PPFIA2: variants seen among roughly 807,000 people sequenced by gnomAD.
PPFIA2 encodes the protein PPFI scaffold protein A2.
Under a neutral mutation model 175.5 loss-of-function variants are expected in PPFIA2, and 46 were observed. That is an observed-to-expected ratio of 0.26 (90% CI 0.21 to 0.34). The LOEUF (loss-of-function observed/expected upper bound fraction) is 0.34. Ranked by LOEUF, PPFIA2 falls within the 10% of genes least tolerant of loss-of-function variation. The pLI is 1.00. For synonymous variants in PPFIA2, 568 were observed against 511.4 expected, an observed-to-expected ratio of 1.11 and a Z score of -1.49; for missense variants, 1,179 against 1,506.1, an observed-to-expected ratio of 0.78 and a Z score of 3.60.
chr12:81,532,388 A>C (rs1444682839), intron 4 of PPFIA2, among the ~76,000 whole-genome samples: 1 of 151,788 alleles, frequency 6.6e-6, no homozygotes, highest in Non-Finnish European at 1.5e-5. Context: ...AGAGCAGCTC[A>C]GCTCCCAAAA....
At chr12:81,335,746 AC>A (rs1212437653) in intron 21 of PPFIA2, among the ~76,000 whole-genome samples, 2 of 94,072 alleles carry the variant, frequency 2.1e-5, no homozygotes, top group African/African-American at 1.6e-4. Flanking sequence ...CTGTCTAAAA[AC>A]AACAACAACA....
intron 3 of PPFIA2, among the ~76,000 whole-genome samples, chr12:81,705,611 C>T (rs1011629395): frequency 2.6e-5 from 4 of 152,024 alleles, no homozygotes; most frequent in Admixed American, 2.0e-4. Flanking sequence ...AAGATACAAG[C>T]ACAATATCTC....
chr12:81,277,450 G>A (rs2040816065), intron 27 of PPFIA2, 36 bp from the exon 28 acceptor site: 6 of 1,461,692 alleles, frequency 4.1e-6, no homozygotes, highest in Non-Finnish European at 5.4e-6. Flanking sequence ...AACACAGTGA[G>A]TCTACCTTAG....
At chr12:81,428,408 G>A (rs983606299) in intron 7 of PPFIA2, among the ~76,000 whole-genome samples, 2 of 151,904 alleles carry the variant, frequency 1.3e-5, no homozygotes, top group African/African-American at 4.8e-5. Context: ...GTAGCAAACA[G>A]CAATTTTGTT....
At chr12:81,520,074 C>G (rs1437056517) in intron 4 of PPFIA2, among the ~76,000 whole-genome samples, 3 of 152,134 alleles carry the variant, frequency 2.0e-5, no homozygotes, top group Non-Finnish European at 2.9e-5. Context: ...GATATAATGT[C>G]TATGTGATAA....
Position 81,415,746 on chromosome 12 carries a change from CT to C in PPFIA2, c.646-9844del, listed in dbSNP as rs1259099805. On this transcript the variant is annotated intron_variant, in intron 7 of 32. Coordinates refer to ENST00000549396, the MANE Select transcript of PPFIA2 (RefSeq NM_003625.5). ...ATATATTCTCAGGTAGAAAGTTTTGCTTTTTTGCAGGAGATGTTTACACTAT... is the reference window on the plus strand; with the variant it reads ...ATATATTCTCAGGTAGAAAGTTTTGCTTTTTGCAGGAGATGTTTACACTAT... 3.3e-5 allele frequency among the ~76,000 whole-genome samples: 5 copies of C among 149,366 alleles called. No individual in the cohort carries two copies. The Admixed American group carries it at 3.4e-4, about 10-fold the overall frequency.
intron 4 of PPFIA2, among the ~76,000 whole-genome samples, chr12:81,564,387 G>A (rs575874439): frequency 6.6e-6 from 1 of 152,272 alleles, no homozygotes; most frequent in South Asian, 2.1e-4. Flanking sequence ...AAGCATAACT[G>A]AAATAGAAGC....
At position 81,730,848 on chromosome 12, in the gene PPFIA2, A is replaced by T. The variant is rs140484920; in HGVS notation, c.249+23125T>A. Reference sequence around the variant, plus strand: ...TCTAACTACAGGGTAATAGTTGTTTATATGAGAATTGGTCTAGAAGGCACG... The same window carrying T: ...TCTAACTACAGGGTAATAGTTGTTTTTATGAGAATTGGTCTAGAAGGCACG... On this transcript the variant is annotated intron_variant, in intron 3 of 32. Transcript: ENST00000549396. 4.6e-5 allele frequency among the ~76,000 whole-genome samples: 7 copies of T among 151,772 alleles called. No homozygotes were observed. In the East Asian group the frequency reaches 1.4e-3, roughly 30 times the overall value.
intron 4 of PPFIA2, among the ~76,000 whole-genome samples, chr12:81,652,946 A>C (rs2067236128): frequency 6.6e-6 from 1 of 152,058 alleles, no homozygotes; most frequent in African/African-American, 2.4e-5. Context: ...CCCCAGACTT[A>C]GGAGCCATCT....
intron 4 of PPFIA2, among the ~76,000 whole-genome samples, chr12:81,506,368 A>G (rs1180931846): frequency 6.6e-6 from 1 of 152,182 alleles, no homozygotes; most frequent in African/African-American, 2.4e-5. Flanking sequence ...GAATTAACTT[A>G]TGTTTAGATA....
intron 31 of PPFIA2, among the ~76,000 whole-genome samples, chr12:81,263,027 T>C (rs996002486): frequency 2.6e-5 from 4 of 152,206 alleles, no homozygotes; most frequent in African/African-American, 7.2e-5. Context: ...ATGTTATAAA[T>C]TATTTTGAAA....
intron 4 of PPFIA2, among the ~76,000 whole-genome samples, chr12:81,506,565 A>G (rs1003178673): frequency 2.2e-4 from 33 of 152,330 alleles, no homozygotes; most frequent in South Asian, 4.1e-4. Context: ...TGAATTAAAC[A>G]CATATGTTAA....
chr12:81,678,519 G>A (rs1365305405), intron 3 of PPFIA2, among the ~76,000 whole-genome samples: 2 of 151,804 alleles, frequency 1.3e-5, no homozygotes, highest in African/African-American at 2.4e-5. Context: ...TCTATTAAAG[G>A]TCACAAATGA....
chr12:81,585,263 G>T (rs942049212), intron 4 of PPFIA2, among the ~76,000 whole-genome samples: 1 of 150,100 alleles, frequency 6.7e-6, no homozygotes, highest in African/African-American at 2.4e-5. Context: ...TGCAGGCATA[G>T]TAAACGATGT....
intron 16 of PPFIA2, 124 bp downstream of exon 16, chr12:81,357,958 T>A: frequency 9.8e-7 from 1 of 1,020,414 alleles, no homozygotes; most frequent in Non-Finnish European, 1.4e-6. Context: ...AAAAATGTCA[T>A]ACTCTGTGTT....
intron 4 of PPFIA2, chr12:81,512,364 C>T: frequency 7.8e-7 from 1 of 1,288,430 alleles, no homozygotes; most frequent in Non-Finnish European, 1.0e-6. Flanking sequence ...AAACAAATTA[C>T]TTACATTCTC....
intron 6 of PPFIA2, among the ~76,000 whole-genome samples, chr12:81,440,624 C>CT (rs1254037180): frequency 6.6e-6 from 1 of 151,942 alleles, no homozygotes; most frequent in Non-Finnish European, 1.5e-5. Context: ...GAATTTCCAA[C>CT]TAGCTTCCAG....
At chr12:81,521,846 A>AT (rs1165378478) in intron 4 of PPFIA2, among the ~76,000 whole-genome samples, 5 of 151,758 alleles carry the variant, frequency 3.3e-5, no homozygotes, top group East Asian at 3.9e-4. Context: ...ATTATTGCAC[A>AT]TTTTTTGTAA....
intron 14 of PPFIA2, among the ~76,000 whole-genome samples, chr12:81,366,395 C>A (rs192117141): frequency 2.2e-3 from 328 of 151,672 alleles, no homozygotes; most frequent in African/African-American, 7.5e-3. Context: ...ATTACCCATC[C>A]CCTCACCCCA....
Sources: gnomAD v4.1 joint callset for allele counts (sites outside exome capture counted in the v4.1 genomes callset) on GRCh38, gnomAD v4.1.1 for gene constraint, MANE v1.5 for transcripts, NCBI Gene and HGNC (gene_info 2026-07-23, HGNC 2026-07-21) for gene names.